CARS2: variants seen among roughly 807,000 people sequenced by gnomAD.
CARS2 encodes the protein cysteinyl-tRNA synthetase 2, mitochondrial.
A neutral mutation model predicts 68.8 loss-of-function variants in CARS2; 52 were observed. The observed-to-expected ratio is 0.76, with a 90% CI of 0.61 to 0.95. The LOEUF (loss-of-function observed/expected upper bound fraction) is 0.95, where lower values mean the gene tolerates loss of function less well. CARS2 is among the 40% of genes least tolerant of loss of function. The pLI is 0.00. For synonymous variants in CARS2, 314 were observed against 303.6 expected (o/e 1.03, Z -0.36); for missense variants, 780 against 754.2 (o/e 1.03, Z -0.40).
intron 3 of CARS2, among the ~76,000 whole-genome samples, chr13:110,697,174 A>C (rs1479313440): frequency 6.6e-6 from 1 of 152,220 alleles, no homozygotes; most frequent in African/African-American, 2.4e-5. Flanking sequence ...GCCCCGAACC[A>C]CTGACCTTCC....
chr13:110,687,695 A>C lies in CARS2; in HGVS notation c.571+26T>G, dbSNP rs78646508. 136,979 of 1,402,234 alleles carry C rather than the reference A, an allele frequency of 0.098. 6,333 individuals carry two copies. Among genetic ancestry groups the C allele is most frequent in the Middle Eastern group, 0.12 (530 of 4,300 alleles). The allele number at this position is 1,402,234 out of a possible 1,614,324, so 86.9% of individuals were successfully genotyped here. On this transcript the variant is annotated intron_variant, in intron 5 of 14. Transcript: ENST00000257347. ...CTCTGTCTCAAAAAAAAAAAAAGAA[A>C]AAAAAAAAAAGAACATAAACCCTAC...
intron 9 of CARS2, among the ~76,000 whole-genome samples, chr13:110,661,507 A>G (rs1258879056): frequency 1.3e-5 from 2 of 152,244 alleles, no homozygotes; most frequent in African/African-American, 2.4e-5. Context: ...ATTATCAGCA[A>G]TAAGGTTGTT....
chr13:110,672,206 C>T (rs1437237667), intron 7 of CARS2, among the ~76,000 whole-genome samples: 1 of 152,198 alleles, frequency 6.6e-6, no homozygotes, highest in African/African-American at 2.4e-5. Context: ...AGATCTGCAC[C>T]AAGCGGACCT....
chr13:110,660,435 A>T (rs1159418875), intron 9 of CARS2, among the ~76,000 whole-genome samples: 2 of 152,216 alleles, frequency 1.3e-5, no homozygotes, highest in Non-Finnish European at 2.9e-5. Context: ...GCTCCATCAG[A>T]GGAATCACTA....
intron 14 of CARS2, 77 bp from the exon 15 acceptor site, chr13:110,641,685 G>T: frequency 8.4e-7 from 1 of 1,192,458 alleles, no homozygotes; most frequent in Non-Finnish European, 1.2e-6. Context: ...GCGTAATCAG[G>T]TTCAGGGTGC....
chr13:110,657,497 GC>G lies in CARS2; in HGVS notation c.987+5953del, dbSNP rs1311175437. On this transcript the variant is annotated intron_variant, in intron 9 of 14. Transcript: ENST00000257347. ...TGGGGGACCGGAGCCAGTCAGAAGAGCCCTCCCTGGCTAAATCCGGGATGAT... is the reference window on the plus strand; with the variant it reads ...TGGGGGACCGGAGCCAGTCAGAAGAGCCTCCCTGGCTAAATCCGGGATGAT... 4.6e-5 allele frequency among the ~76,000 whole-genome samples: 7 copies of G among 152,194 alleles called. No individual in the cohort carries two copies. The East Asian group carries it at 1.3e-3, about 29-fold the overall frequency.
At chr13:110,681,520 C>A (rs1002674280) in intron 6 of CARS2, among the ~76,000 whole-genome samples, 1 of 152,142 alleles carries the variant, frequency 6.6e-6, no homozygotes, top group African/African-American at 2.4e-5. Flanking sequence ...AATGGTGCAG[C>A]CACTCTGGCA....
intron 6 of CARS2, among the ~76,000 whole-genome samples, chr13:110,678,394 G>A (rs1020406466): frequency 6.6e-6 from 1 of 152,124 alleles, no homozygotes; most frequent in Non-Finnish European, 1.5e-5. Flanking sequence ...CCCAGGACAG[G>A]CACACCCCAT....
chr13:110,677,728 C>T (rs1594335117), intron 6 of CARS2, among the ~76,000 whole-genome samples: 1 of 103,950 alleles, frequency 9.6e-6, no homozygotes, highest in East Asian at 2.8e-4. Context: ...GCCACCCCGC[C>T]ACGGAAACCC....
chr13:110,652,205 C>G (rs1010608795), intron 9 of CARS2, among the ~76,000 whole-genome samples: 1 of 152,266 alleles, frequency 6.6e-6, no homozygotes, highest in Non-Finnish European at 1.5e-5. Context: ...GGCAGCAACA[C>G]AAGCCCAGAG....
chr13:110,694,282 T>C (rs1367251842), intron 3 of CARS2, among the ~76,000 whole-genome samples: 1 of 150,396 alleles, frequency 6.6e-6, no homozygotes, highest in African/African-American at 2.4e-5. Context: ...CACCTCGGCC[T>C]CCCAAAGTGC....
chr13:110,686,559 T>C (rs144144304), intron 5 of CARS2, among the ~76,000 whole-genome samples: 1 of 149,214 alleles, frequency 6.7e-6, no homozygotes, highest in African/African-American at 2.5e-5. Context: ...GCAACTCACT[T>C]TTTTATTTTT....
intron 2 of CARS2, among the ~76,000 whole-genome samples, chr13:110,702,671 G>C (rs2063822678): frequency 6.6e-6 from 1 of 152,220 alleles, no homozygotes; most frequent in Non-Finnish European, 1.5e-5. Context: ...TCCACAGCTT[G>C]GCAGAGCTGG....
intron 7 of CARS2, among the ~76,000 whole-genome samples, chr13:110,672,153 C>G (rs2062820099): frequency 6.6e-6 from 1 of 152,272 alleles, no homozygotes; most frequent in South Asian, 2.1e-4. Flanking sequence ...TTAGACAGAT[C>G]AATGAGACAG....
intron 7 of CARS2, among the ~76,000 whole-genome samples, chr13:110,672,644 C>T (rs2062832881): frequency 6.6e-6 from 1 of 152,140 alleles, no homozygotes; most frequent in Non-Finnish European, 1.5e-5. Flanking sequence ...CCTAACATCA[C>T]AATTAAAAGA....
intron 6 of CARS2, among the ~76,000 whole-genome samples, 179 bp from the exon 7 acceptor site, chr13:110,677,282 C>T (rs1472006560): frequency 8.7e-5 from 3 of 34,598 alleles, no homozygotes; most frequent in African/African-American, 2.1e-4. Flanking sequence ...GTCACCCCCA[C>T]CACGGAAACA....
At position 110,642,313 on chromosome 13, in the gene CARS2, A is replaced by T. The variant is rs1166027930; in HGVS notation, c.1623+2T>A. 1 of 1,548,268 alleles carries T rather than the reference A, an allele frequency of 6.5e-7. No individual in the cohort carries two copies. Among genetic ancestry groups the T allele is most frequent in the African/African-American group, 1.4e-5 (1 of 72,926 alleles). On this transcript the variant is annotated splice_donor_variant, in intron 14 of 14. Coordinates refer to ENST00000257347, the MANE Select transcript of CARS2 (RefSeq NM_024537.4). LOFTEE classifies it high-confidence loss of function. ...TGTCCCTGACCTTGGTGCGGCACTC[A>T]CCTTGATGTTGATGCCGTGGGCAGT... is the stretch of plus-strand genomic sequence containing the variant.
Position 110,705,030 on chromosome 13 carries a change from C to T in CARS2, c.275+491G>A, listed in dbSNP as rs2063900189. 6.6e-6 allele frequency among the ~76,000 whole-genome samples: 1 copy of T among 152,126 alleles called. No individual in the cohort carries two copies. Among genetic ancestry groups the T allele is most frequent in the Non-Finnish European group, 1.5e-5 (1 of 68,026 alleles). The stretch of plus-strand genomic sequence containing the variant: ...AAGTTACTCAATCACTATTGAGCCC[C>T]GTGACATCTCACATGTGAGGTACAG... On this transcript the variant is annotated intron_variant, in intron 2 of 14. Transcript: ENST00000257347. This position sits in a 1 kb window ranked among gnomAD's most constrained non-coding sequence, Gnocchi z 4.0.
intron 6 of CARS2, among the ~76,000 whole-genome samples, chr13:110,680,200 T>G (rs975971439): frequency 1.3e-4 from 20 of 149,780 alleles, no homozygotes; most frequent in Non-Finnish European, 2.9e-5. Context: ...AAGACCAGCC[T>G]GGCCAACACG....
Sources: gnomAD v4.1 joint callset for allele counts (sites outside exome capture counted in the v4.1 genomes callset) on GRCh38, gnomAD v4.1.1 for gene constraint, Gnocchi (gnomAD v3.1) non-coding constraint, MANE v1.5 for transcripts, NCBI Gene and HGNC (gene_info 2026-07-23, HGNC 2026-07-21) for gene names.